STK39: variants seen among roughly 807,000 people sequenced by gnomAD.
STK39 encodes the protein serine/threonine kinase 39, also known as STE20/SPS1-related proline-alanine-rich protein kinase.
In STK39, 20 loss-of-function variants were observed where a neutral mutation model predicts 77.8. The observed-to-expected ratio is 0.26, with a 90% CI of 0.18 to 0.37. The LOEUF (loss-of-function observed/expected upper bound fraction) is 0.37. STK39 is among the 10% of genes least tolerant of loss of function. STK39 has a pLI of 1.00. For synonymous variants in STK39, 246 were observed against 234.1 expected, an observed-to-expected ratio of 1.05 and a Z score of -0.47; for missense variants, 479 against 656.5, an observed-to-expected ratio of 0.73 and a Z score of 2.95.
intron 5 of STK39, among the ~76,000 whole-genome samples, chr2:168,150,224 G>C (rs987300729): frequency 1.3e-5 from 2 of 152,204 alleles, no homozygotes; most frequent in African/African-American, 4.8e-5. Flanking sequence ...TCACCTCTCA[G>C]ATGAAGAGAA....
intron 5 of STK39, among the ~76,000 whole-genome samples, chr2:168,146,199 G>C (rs1688135639): frequency 6.6e-6 from 1 of 152,190 alleles, no homozygotes; most frequent in Non-Finnish European, 1.5e-5. Context: ...ATTTCCTTGA[G>C]CTTACAGAAC....
chr2:167,988,670 T>C (rs76159342), intron 16 of STK39, among the ~76,000 whole-genome samples: 7,674 of 152,254 alleles, frequency 0.05, 693 homozygotes, highest in African/African-American at 0.17. Context: ...AAAAAAGTGT[T>C]TCTGGAATCA....
intron 14 of STK39, among the ~76,000 whole-genome samples, chr2:168,043,440 GCAAA>G (rs748225976): frequency 3.9e-5 from 6 of 152,062 alleles, no homozygotes; most frequent in Admixed American, 6.5e-5. Flanking sequence ...CAGCAAAAAG[GCAAA>G]CAAACAACCC....
intron 14 of STK39, among the ~76,000 whole-genome samples, chr2:168,028,230 C>A (rs1406229607): frequency 6.6e-6 from 1 of 152,146 alleles, no homozygotes. Flanking sequence ...AATGAATACA[C>A]ATGTGCCTAC....
chr2:167,968,025 G>T (rs571166823), intron 16 of STK39, among the ~76,000 whole-genome samples: 4 of 151,680 alleles, frequency 2.6e-5, no homozygotes, highest in Admixed American at 2.0e-4. Context: ...GCTCTCACAA[G>T]TGAGAACATG....
intron 16 of STK39, among the ~76,000 whole-genome samples, chr2:167,973,935 A>C (rs1683188911): frequency 6.6e-6 from 1 of 152,216 alleles, no homozygotes; most frequent in Admixed American, 6.5e-5. Context: ...CTCTTTAACA[A>C]AAATTTGTAA....
intron 1 of STK39, among the ~76,000 whole-genome samples, chr2:168,223,004 T>C (rs190282076): frequency 6.6e-6 from 1 of 152,276 alleles, no homozygotes; most frequent in Admixed American, 6.5e-5. Flanking sequence ...GTATTGCACA[T>C]TCATGATCTT....
Position 168,017,067 on chromosome 2 carries a change from G to T in STK39, c.1405C>A (p.Arg469=). The T allele has an allele frequency of 1.2e-6, 2 of 1,605,866 alleles. No individual in the cohort carries two copies. Among genetic ancestry groups the T allele is most frequent in the Non-Finnish European group, 1.7e-6 (2 of 1,175,928 alleles). Residue 469 remains arginine, a synonymous_variant, in exon 15 of 18, where the codon CGA becomes AGA. Transcript: ENST00000355999. ...RNSRKELNDI[R]FEFTPGRDTA... Reference sequence around the variant, plus strand: ...CCTCTTCCTGGAGTAAACTCAAATCGTATGTCATTAAGTTCCTTTCTGGAG... The same window carrying T: ...CCTCTTCCTGGAGTAAACTCAAATCTTATGTCATTAAGTTCCTTTCTGGAG...
intron 14 of STK39, among the ~76,000 whole-genome samples, chr2:168,052,261 C>A (rs116420100): frequency 6.6e-6 from 1 of 152,118 alleles, no homozygotes; most frequent in Admixed American, 6.5e-5. Flanking sequence ...CTGGACTGAT[C>A]GTTTGGTCAT....
chr2:168,135,083 C>T (rs541654333), intron 8 of STK39, among the ~76,000 whole-genome samples: 1 of 152,184 alleles, frequency 6.6e-6, no homozygotes, highest in East Asian at 1.9e-4. Context: ...ACAAACCAGA[C>T]ACTGGATATA....
Position 168,062,972 on chromosome 2 carries a change from C to G in STK39, c.1376+528G>C, listed in dbSNP as rs150337773. Among the ~76,000 whole-genome samples, 313 of 152,132 alleles carry G rather than the reference C, an allele frequency of 2.1e-3. 1 individual carries two copies. The highest frequency in any genetic ancestry group is 6.9e-3 in the African/African-American group (287 of 41,518). On this transcript the variant is annotated intron_variant, in intron 14 of 17. Coordinates refer to ENST00000355999, the MANE Select transcript of STK39 (RefSeq NM_013233.3). ...ACGCTTTCATTCACACTACTGCAGA[C>G]AAAGACCATACTGTCAGGCACCATA...
intron 1 of STK39, among the ~76,000 whole-genome samples, chr2:168,227,758 C>T (rs182784840): frequency 2.4e-4 from 36 of 152,256 alleles, no homozygotes; most frequent in Admixed American, 2.2e-3. Flanking sequence ...CCCAGGTTCA[C>T]GCCATTCTCC....
intron 5 of STK39, among the ~76,000 whole-genome samples, chr2:168,153,766 A>G (rs374595546): frequency 1.5e-3 from 236 of 152,292 alleles, no homozygotes; most frequent in African/African-American, 5.5e-3. Context: ...CCGGGGCAGC[A>G]GCATGCAAGG....
chr2:168,104,555 G>C (rs1054576556), intron 10 of STK39, among the ~76,000 whole-genome samples: 1 of 152,160 alleles, frequency 6.6e-6, no homozygotes, highest in African/African-American at 2.4e-5. Context: ...ATGCTTAGGG[G>C]TGGGTAGGAT....
intron 10 of STK39, among the ~76,000 whole-genome samples, chr2:168,102,830 T>G (rs1298115878): frequency 6.8e-6 from 1 of 146,722 alleles, no homozygotes; most frequent in Non-Finnish European, 1.5e-5. Context: ...CTCGGGAGGC[T>G]GAGGCAGGAG....
At chr2:167,996,601 G>T (rs955215262) in intron 16 of STK39, among the ~76,000 whole-genome samples, 1 of 152,166 alleles carries the variant, frequency 6.6e-6, no homozygotes, top group African/African-American at 2.4e-5. Context: ...CAAGTTCATG[G>T]TGGTTGGCTA....
At chr2:168,093,942 C>T (rs1686593762) in intron 10 of STK39, among the ~76,000 whole-genome samples, 1 of 152,212 alleles carries the variant, frequency 6.6e-6, no homozygotes, top group South Asian at 2.1e-4. Context: ...ATCACACAAA[C>T]AATTACTCTC....
At chr2:168,039,110 C>T (rs72887642) in intron 14 of STK39, among the ~76,000 whole-genome samples, 2,326 of 151,962 alleles carry the variant, frequency 0.015, 30 homozygotes, top group Non-Finnish European at 0.026. Flanking sequence ...TTATTCATAA[C>T]AGTAAAAACT....
intron 14 of STK39, among the ~76,000 whole-genome samples, chr2:168,054,759 T>C (rs912319520): frequency 8.8e-6 from 1 of 113,154 alleles, no homozygotes; most frequent in African/African-American, 3.4e-5. Context: ...CTTCTCAAAA[T>C]TTGGTTGTTG....
Sources: gnomAD v4.1 joint callset for allele counts (sites outside exome capture counted in the v4.1 genomes callset) on GRCh38, gnomAD v4.1.1 for gene constraint, MANE v1.5 for transcripts, NCBI Gene and HGNC (gene_info 2026-07-23, HGNC 2026-07-21) for gene names.